Variants in MYRIP observed in about 807,000 individuals in gnomAD.
The protein encoded by MYRIP is myosin VIIA and Rab interacting protein.
In MYRIP, 49 loss-of-function variants were observed where a neutral mutation model predicts 98.0. The observed-to-expected ratio is 0.50, with a 90% confidence interval of 0.40 to 0.63. The LOEUF (loss-of-function observed/expected upper bound fraction) is 0.63, where lower values mean the gene tolerates loss of function less well. Ranked by LOEUF, MYRIP falls within the 30% of genes least tolerant of loss-of-function variation. The pLI is 0.00. For missense variants in MYRIP, 1,004 were observed against 1,058.2 expected (o/e 0.95, Z 0.71); for synonymous variants, 404 against 409.5 (o/e 0.99, Z 0.16).
intron 16 of MYRIP, among the ~76,000 whole-genome samples, chr3:40,253,690 A>T (rs7432524): frequency 9.9e-5 from 15 of 152,132 alleles, no homozygotes; most frequent in Non-Finnish European, 1.9e-4. Context: ...TTCTAGAATC[A>T]GTATTGACAA....
intron 2 of MYRIP, among the ~76,000 whole-genome samples, chr3:40,032,214 G>A (rs1273833977): frequency 3.3e-5 from 5 of 151,892 alleles, no homozygotes; most frequent in South Asian, 2.1e-4. Flanking sequence ...GTTTCAAAGA[G>A]CATCTTTATT....
chr3:40,104,189 T>C lies in MYRIP; in HGVS notation c.333-46859T>C, dbSNP rs369936559. 1.2e-4 allele frequency among the ~76,000 whole-genome samples: 18 copies of C among 152,344 alleles called. No individual in the cohort carries two copies. In the East Asian group the frequency reaches 1.3e-3, roughly 11 times the overall value. ...ATATAGTGGCCACTTCTAGGTATTG[T>C]CATTTTTTAAATACCATGTCTCTGG... On this transcript the variant is annotated intron_variant, in intron 3 of 16. Coordinates refer to ENST00000302541, the MANE Select transcript of MYRIP (RefSeq NM_015460.4).
chr3:39,941,982 T>C (rs1028483102), intron 2 of MYRIP, among the ~76,000 whole-genome samples: 30 of 152,172 alleles, frequency 2.0e-4, no homozygotes, highest in Admixed American at 3.9e-4. Flanking sequence ...AAACATATCA[T>C]GTTTGATCCT....
intron 1 of MYRIP, among the ~76,000 whole-genome samples, chr3:39,844,497 C>T (rs532365055): frequency 6.6e-6 from 1 of 152,212 alleles, no homozygotes; most frequent in African/African-American, 2.4e-5. Context: ...TGAGACAGAG[C>T]AACAGGCATA....
At chr3:40,152,953 C>T (rs1950149893) in intron 4 of MYRIP, among the ~76,000 whole-genome samples, 1 of 11,618 alleles carries the variant, frequency 8.6e-5, no homozygotes, top group Non-Finnish European at 7.1e-4. Context: ...CCTGTCTCTA[C>T]CAAAAAAAAA....
intron 2 of MYRIP, among the ~76,000 whole-genome samples, chr3:39,908,178 C>T (rs79622871): frequency 0.01 from 1,561 of 152,222 alleles, 12 homozygotes; most frequent in African/African-American, 0.029. Context: ...CTGCGACTGG[C>T]GCCTAGGCTG....
At chr3:39,889,644 C>T (rs1943427084) in intron 1 of MYRIP, among the ~76,000 whole-genome samples, 4 of 152,116 alleles carry the variant, frequency 2.6e-5, no homozygotes, top group Admixed American at 2.6e-4. Context: ...CTAACCTGCG[C>T]ATTGTGCACA....
upstream of MYRIP, among the ~76,000 whole-genome samples, chr3:39,809,411 TGC>T (rs1370495709): frequency 5.4e-5 from 8 of 147,240 alleles, no homozygotes; most frequent in Non-Finnish European, 7.5e-5. Flanking sequence ...TCCCGGCGCG[TGC>T]CGCCCGCGCG....
chr3:40,076,476 A>C (rs1948345418), intron 3 of MYRIP, among the ~76,000 whole-genome samples: 1 of 152,238 alleles, frequency 6.6e-6, no homozygotes, highest in Non-Finnish European at 1.5e-5. Context: ...TCACTGGGCC[A>C]GGGCACAGGC....
At chr3:39,996,567 C>A (rs1385027218) in intron 2 of MYRIP, among the ~76,000 whole-genome samples, 1 of 152,082 alleles carries the variant, frequency 6.6e-6, no homozygotes, top group Non-Finnish European at 1.5e-5. Context: ...GACTTAGACT[C>A]CCACACAATA....
intron 2 of MYRIP, among the ~76,000 whole-genome samples, chr3:39,962,386 T>G (rs1035450634): frequency 3.3e-5 from 5 of 152,026 alleles, no homozygotes; most frequent in African/African-American, 1.2e-4. Context: ...CCTGTCAGTC[T>G]GCTGGGACAT....
At chr3:40,064,316 G>A (rs772655989) in intron 3 of MYRIP, among the ~76,000 whole-genome samples, 4 of 151,700 alleles carry the variant, frequency 2.6e-5, no homozygotes, top group Non-Finnish European at 4.4e-5. Context: ...TTCTCAACAG[G>A]ATTATATTCC....
Position 39,900,935 on chromosome 3 carries a change from C to T in MYRIP, c.110+9C>T. The T allele has an allele frequency of 6.2e-7, 1 of 1,603,580 alleles. No individual in the cohort carries two copies. The highest frequency in any genetic ancestry group is 8.5e-7 in the Non-Finnish European group (1 of 1,173,298). The stretch of plus-strand genomic sequence containing the variant: ...GAAGAAGAACGACTAAGGTGAGATG[C>T]CTGTTTTGCTCAGCAGCGTACAGCA... On this transcript the variant is annotated intron_variant, in intron 2 of 16. Transcript: ENST00000302541.
intron 1 of MYRIP, among the ~76,000 whole-genome samples, chr3:39,833,170 A>G (rs989700350): frequency 6.6e-6 from 1 of 152,234 alleles, no homozygotes; most frequent in Non-Finnish European, 1.5e-5. Flanking sequence ...AGGAACACCT[A>G]CCAAGAGAGA....
rs532274238 is a variant in MYRIP, at chr3:39,962,376, C to T, written c.110+61450C>T. ...GTGACTATTAGGAGGAATTAAATTCCCTGTCAGTCTGCTGGGACATAATTT... is the reference window on the plus strand; with the variant it reads ...GTGACTATTAGGAGGAATTAAATTCTCTGTCAGTCTGCTGGGACATAATTT... On this transcript the variant is annotated intron_variant, in intron 2 of 16. Transcript: ENST00000302541. Among the ~76,000 whole-genome samples the T allele has an allele frequency of 6.6e-5, 10 of 151,862 alleles. 1 individual carries two copies. In the South Asian group the frequency reaches 2.1e-3, roughly 32 times the overall value.
chr3:39,959,529 A>G (rs1451523424), intron 2 of MYRIP, among the ~76,000 whole-genome samples: 7 of 152,002 alleles, frequency 4.6e-5, no homozygotes, highest in East Asian at 1.9e-4. Context: ...GTCATGGGGT[A>G]GGGGGAGCAG....
intron 3 of MYRIP, among the ~76,000 whole-genome samples, chr3:40,086,744 G>A (rs1453498379): frequency 6.6e-6 from 1 of 152,164 alleles, no homozygotes; most frequent in Non-Finnish European, 1.5e-5. Context: ...GATGCTGGGA[G>A]GAATAAACAA....
At chr3:39,951,440 G>C (rs1483994441) in intron 2 of MYRIP, among the ~76,000 whole-genome samples, 1 of 151,774 alleles carries the variant, frequency 6.6e-6, no homozygotes, top group Non-Finnish European at 1.5e-5. Flanking sequence ...CTTTAAACAG[G>C]GGTTTGAACA....
chr3:39,957,579 A>C (rs1945200937), intron 2 of MYRIP, among the ~76,000 whole-genome samples: 1 of 152,182 alleles, frequency 6.6e-6, no homozygotes, highest in Non-Finnish European at 1.5e-5. Flanking sequence ...ATCATACTGA[A>C]AGGGCAAAAA....
Sources: gnomAD v4.1 joint callset for allele counts (sites outside exome capture counted in the v4.1 genomes callset) on GRCh38, gnomAD v4.1.1 for gene constraint, MANE v1.5 for transcripts, NCBI Gene and HGNC (gene_info 2026-07-23, HGNC 2026-07-21) for gene names.